Variants in SNX16 observed in about 807,000 individuals in gnomAD.
SNX16 encodes sorting nexin 16.
Under a neutral mutation model 36.7 loss-of-function variants are expected in SNX16, and 35 were observed. The observed-to-expected ratio is 0.95, with a 90% confidence interval of 0.73 to 1.27. The LOEUF is 1.27. SNX16 is among the 50% of genes most tolerant of loss of function. The probability of loss-of-function intolerance (pLI) is 0.00; values close to 1 mark genes in which losing one functional copy is unlikely to be tolerated. For synonymous variants in SNX16, 134 were observed against 132.0 expected, an observed-to-expected ratio of 1.02 and a Z score of -0.10; for missense variants, 367 against 393.6, an observed-to-expected ratio of 0.93 and a Z score of 0.57.
At chr8:81,819,182 A>T (rs537057889) in intron 4 of SNX16, among the ~76,000 whole-genome samples, 8 of 152,236 alleles carry the variant, frequency 5.3e-5, no homozygotes, top group African/African-American at 1.7e-4. Context: ...GAAAAATTAA[A>T]AAGAAAAAAA....
At chr8:81,824,392 T>C (rs960146577) in intron 3 of SNX16, among the ~76,000 whole-genome samples, 1 of 152,176 alleles carries the variant, frequency 6.6e-6, no homozygotes, top group Non-Finnish European at 1.5e-5. Context: ...ACAAGTCCTT[T>C]GTCAGATACA....
chr8:81,814,094 C>T (rs552170303), intron 5 of SNX16, among the ~76,000 whole-genome samples: 20 of 152,092 alleles, frequency 1.3e-4, no homozygotes, highest in African/African-American at 4.8e-4. Flanking sequence ...GAAATAAAGC[C>T]ATATGTTCAC....
rs1466281353 is a variant in SNX16 at position 81,802,405 on chromosome 8, G to C, written c.913C>G (p.Gln305Glu). The C allele has an allele frequency of 1.9e-6, 3 of 1,607,026 alleles. No homozygotes were observed. In the African/African-American group the frequency reaches 4.0e-5, roughly 22 times the overall value. Reference sequence around the variant, plus strand: ...CTAGATTCTTCATCCAGGACATCTTGATCAACCTCAAGTGCAGAGGACTCC... The same window carrying C: ...CTAGATTCTTCATCCAGGACATCTTCATCAACCTCAAGTGCAGAGGACTCC... The part of the protein sequence containing the change: ...KVESSALEVD[Q>E]DVLDEESRAD... The change falls in exon 7 of 8, where the codon CAA (glutamine) becomes GAA (glutamate). Residue 305 changes from glutamine (Q) to glutamate (E), a missense_variant. By Grantham distance (29) the Gln-to-Glu change is conservative (BLOSUM62 2). Transcript: ENST00000345957.
chr8:81,839,737 T>C lies in SNX16; in HGVS notation c.250A>G (p.Ile84Val), dbSNP rs1484918546. 2 of 1,614,026 alleles carry C rather than the reference T, an allele frequency of 1.2e-6. No individual in the cohort carries two copies. The highest frequency in any genetic ancestry group is 3.3e-5 in the Admixed American group (2 of 60,030). ...TCTCTTGGTCTAGTAGAATACTCAATGGAAGAAGCTGTACCTGTAAATTTA... is the reference window on the plus strand; with the variant it reads ...TCTCTTGGTCTAGTAGAATACTCAACGGAAGAAGCTGTACCTGTAAATTTA... The part of the protein sequence containing the change: ...RTKFTGTASS[I>V]EYSTRPRDTE... The change falls in exon 2 of 8, where the codon ATT becomes GTT. Residue 84 changes from isoleucine (I) to valine (V), a missense_variant. By Grantham distance (29) the Ile-to-Val change is conservative. Coordinates refer to ENST00000345957, the MANE Select transcript of SNX16 (RefSeq NM_152836.3).
intron 4 of SNX16, among the ~76,000 whole-genome samples, chr8:81,817,944 T>A (rs1810565816): frequency 6.6e-6 from 1 of 152,104 alleles, no homozygotes; most frequent in Non-Finnish European, 1.5e-5. Context: ...TATTTTAAAA[T>A]TGGGGTCAGG....
chr8:81,806,232 C>T (rs1809937722), intron 5 of SNX16, among the ~76,000 whole-genome samples: 1 of 151,790 alleles, frequency 6.6e-6, no homozygotes, highest in African/African-American at 2.4e-5. Flanking sequence ...GATGCCAGAC[C>T]CAACAAAGGG....
At chr8:81,840,927 C>A (rs1811725911) in intron 1 of SNX16, among the ~76,000 whole-genome samples, 1 of 150,520 alleles carries the variant, frequency 6.6e-6, no homozygotes, top group Admixed American at 6.7e-5. Flanking sequence ...GTAACAACTA[C>A]AGACCAACAA....
At chr8:81,835,760 A>C (rs746039718) in intron 2 of SNX16, among the ~76,000 whole-genome samples, 78 of 152,224 alleles carry the variant, frequency 5.1e-4, no homozygotes, top group Non-Finnish European at 9.6e-4. Context: ...TATTTGACTT[A>C]CAGTTCCACA....
At chr8:81,812,222 G>A (rs1467864113) in intron 5 of SNX16, among the ~76,000 whole-genome samples, 1 of 151,984 alleles carries the variant, frequency 6.6e-6, no homozygotes, top group Non-Finnish European at 1.5e-5. Flanking sequence ...GTCCAAGAAG[G>A]AGAAGGGAGA....
intron 5 of SNX16, chr8:81,808,499 C>G (rs1810074935): frequency 1.0e-6 from 1 of 961,950 alleles, no homozygotes; most frequent in African/African-American, 1.6e-5. Flanking sequence ...GTGGGGATGG[C>G]TATAAGGGAT....
intron 4 of SNX16, among the ~76,000 whole-genome samples, chr8:81,822,982 A>G (rs1300867560): frequency 7.2e-6 from 1 of 138,882 alleles, no homozygotes; most frequent in African/African-American, 2.7e-5. Flanking sequence ...ATATACACAT[A>G]TGTGTGTGTA....
At chr8:81,805,596 T>TGGAGCAAACAA (rs1809894811) in intron 5 of SNX16, among the ~76,000 whole-genome samples, 2 of 152,090 alleles carry the variant, frequency 1.3e-5, no homozygotes, top group African/African-American at 4.8e-5. Context: ...ACTAAAGATA[T>TGGAGCAAACAA]GTTAAGAGAT....
chr8:81,830,451 G>C (rs920266089), intron 2 of SNX16, among the ~76,000 whole-genome samples: 1 of 151,810 alleles, frequency 6.6e-6, no homozygotes, highest in Non-Finnish European at 1.5e-5. Flanking sequence ...GGCGCCTGTA[G>C]TCCCAGTTAC....
intron 5 of SNX16, chr8:81,808,803 T>TTG: frequency 1.3e-6 from 1 of 789,650 alleles, no homozygotes; most frequent in South Asian, 1.4e-5. Flanking sequence ...AACAACAGAT[T>TTG]TGTGAAGTCA....
intron 2 of SNX16, 91 bp downstream of exon 2, chr8:81,839,521 T>G (rs1811639611): frequency 8.2e-7 from 1 of 1,224,568 alleles, no homozygotes. Flanking sequence ...AAATTATAAG[T>G]ACAAGTTTAC....
chr8:81,816,976 T>A (rs1048662018), intron 4 of SNX16, among the ~76,000 whole-genome samples: 20 of 152,278 alleles, frequency 1.3e-4, no homozygotes, highest in African/African-American at 4.6e-4. Context: ...TAGCACAGAA[T>A]AGAACAAGGT....
At position 81,839,480 on chromosome 8, in the gene SNX16, G is replaced by A. The variant is rs976990001; in HGVS notation, c.375+132C>T. ...TACTACAACATGATAGAATTCAGTGGTGTAAAAACCATTAGAATTTCATAT... is the reference window on the plus strand; with the variant it reads ...TACTACAACATGATAGAATTCAGTGATGTAAAAACCATTAGAATTTCATAT... On this transcript the variant is annotated intron_variant, in intron 2 of 7. Coordinates refer to ENST00000345957, the MANE Select transcript of SNX16 (RefSeq NM_152836.3). 6.4e-5 allele frequency: 61 copies of A among 955,066 alleles called. No homozygotes were observed. The East Asian group carries it at 1.5e-3, about 23-fold the overall frequency. The allele number at this position is 955,066 out of a possible 1,614,324, so 59.2% of individuals were successfully genotyped here.
In SNX16 at chr8:81,803,107, A is replaced by G; in HGVS notation, c.803T>C (p.Leu268Ser). 10 of 1,608,478 alleles carry G rather than the reference A, an allele frequency of 6.2e-6. No individual in the cohort carries two copies. Among genetic ancestry groups the G allele is most frequent in the Non-Finnish European group, 8.5e-6 (10 of 1,177,728 alleles). The change falls in exon 6 of 8, where the codon TTA (leucine) becomes TCA (serine). Residue 268 changes from leucine to serine, a missense_variant. Transcript: ENST00000345957. ...CACAACACACCTGATTCTGTTCTCT[A>G]AAGTGTCTATATGAAGTTGCTTCTC... is the stretch of plus-strand genomic sequence containing the variant. ...LSEKQLHIDT[L>S]ENRIRTLSLE...
intron 1 of SNX16, 197 bp from the exon 2 acceptor site, chr8:81,840,279 T>G (rs1811686324): frequency 3.9e-6 from 1 of 257,282 alleles, no homozygotes; most frequent in African/African-American, 2.2e-5. Flanking sequence ...CTCTTTTTCC[T>G]TGACTCCATG....
Sources: allele counts gnomAD v4.1 joint callset (sites outside exome capture counted in the v4.1 genomes callset), GRCh38; gene constraint gnomAD v4.1.1; transcripts MANE v1.5; gene names NCBI Gene and HGNC (gene_info 2026-07-23, HGNC 2026-07-21).